Variants in ADIPOR2 observed in about 807,000 individuals in gnomAD.
The protein encoded by ADIPOR2 is adiponectin receptor protein 2.
Under a neutral mutation model 40.9 loss-of-function variants are expected in ADIPOR2, and 18 were observed. The ratio of observed to expected loss-of-function variants is 0.44; its 90% CI spans 0.30 to 0.65. The LOEUF is 0.65. Among genes scored for constraint, ADIPOR2 ranks in the 30% least tolerant of loss-of-function variants. The pLI, the probability that ADIPOR2 is intolerant of heterozygous loss-of-function variation, is 0.09. For missense variants in ADIPOR2, 283 were observed against 479.2 expected (o/e 0.59, Z 3.82); for synonymous variants, 165 against 166.4 (o/e 0.99, Z 0.06).
intron 3 of ADIPOR2, 45 bp downstream of exon 3, chr12:1,773,006 C>CTATATATAT (rs1862518834): frequency 6.3e-7 from 1 of 1,592,978 alleles, no homozygotes; most frequent in Non-Finnish European, 8.5e-7. Flanking sequence ...ATATTTAGCC[C>CTATATATAT]TTCCAAAACA....
chr12:1,720,528 G>A (rs73591725), intron 1 of ADIPOR2, among the ~76,000 whole-genome samples: 1,926 of 152,322 alleles, frequency 0.013, 39 homozygotes, highest in African/African-American at 0.045. Flanking sequence ...AGTGATGGGA[G>A]ACAGTGGCAG....
intron 6 of ADIPOR2, among the ~76,000 whole-genome samples, chr12:1,781,562 T>A (rs1367779240): frequency 2.0e-5 from 3 of 152,226 alleles, no homozygotes; most frequent in Non-Finnish European, 2.9e-5. Context: ...ATCTCCCTTC[T>A]GATGTAGGGA....
intron 2 of ADIPOR2, among the ~76,000 whole-genome samples, chr12:1,765,228 C>T (rs577436985): frequency 4.4e-4 from 67 of 152,202 alleles, no homozygotes; most frequent in African/African-American, 1.4e-3. Context: ...TTGTGATTCA[C>T]GCAGCACCTA....
chr12:1,704,427 C>T (rs2038521182), intron 1 of ADIPOR2, among the ~76,000 whole-genome samples: 2 of 152,090 alleles, frequency 1.3e-5, no homozygotes. Context: ...AATAAACTTG[C>T]TTTCACTTAA....
intron 1 of ADIPOR2, among the ~76,000 whole-genome samples, chr12:1,722,515 A>G (rs1177234300): frequency 6.6e-6 from 1 of 152,196 alleles, no homozygotes; most frequent in East Asian, 1.9e-4. Flanking sequence ...GACCTTGACA[A>G]GTGTGGTCTT....
chr12:1,726,119 G>A lies in ADIPOR2; in HGVS notation c.-86-28139G>A, dbSNP rs532404277. Among the ~76,000 whole-genome samples, 11 of 152,328 alleles carry A rather than the reference G, an allele frequency of 7.2e-5. No homozygotes were observed. The South Asian group carries it at 1.7e-3, about 23-fold the overall frequency. ...AAATTGCTTTTGAGGTATCACTTAA[G>A]CAACCTTAGTGCTTCTAAGCAACAT... On this transcript the variant is annotated intron_variant, in intron 1 of 7. Transcript: ENST00000357103.
At position 1,782,976 on chromosome 12, in the gene ADIPOR2, C is replaced by CTTTTTTTTT. The variant is rs71055199; in HGVS notation, c.839-886_839-878dup. ...TTCTTTTCTTTTTCTTTCTTTCTTT[C>CTTTTTTTTT]TTTTTTTTTTTTTTTTTTTTTTTTT... On this transcript the variant is annotated intron_variant, in intron 6 of 7. Coordinates refer to ENST00000357103, the MANE Select transcript of ADIPOR2 (RefSeq NM_024551.3). 6.0e-4 allele frequency among the ~76,000 whole-genome samples: 66 copies of CTTTTTTTTT among 109,736 alleles called. 2 individuals are homozygous for CTTTTTTTTT. The highest frequency in any genetic ancestry group is 8.8e-4 in the African/African-American group (24 of 27,194). 72.0% of individuals were successfully genotyped at this position (109,736 alleles called of 152,430 possible).
chr12:1,777,563 T>C (rs1394280965), intron 3 of ADIPOR2, among the ~76,000 whole-genome samples: 2 of 151,954 alleles, frequency 1.3e-5, no homozygotes, highest in East Asian at 3.9e-4. Context: ...ATTTTTTGTA[T>C]TTTTAGTAGA....
intron 1 of ADIPOR2, among the ~76,000 whole-genome samples, chr12:1,716,697 C>G (rs377588567): frequency 4.6e-5 from 7 of 152,270 alleles, no homozygotes; most frequent in South Asian, 2.1e-4. Context: ...AGTACTGCAC[C>G]TGAATTACAT....
At chr12:1,715,690 G>C (rs559339049) in intron 1 of ADIPOR2, among the ~76,000 whole-genome samples, 1 of 152,296 alleles carries the variant, frequency 6.6e-6, no homozygotes, top group African/African-American at 2.4e-5. Flanking sequence ...CTGTTTAGAG[G>C]GGGGATTGAG....
chr12:1,785,264 T>C (rs1862803022), intron 7 of ADIPOR2, among the ~76,000 whole-genome samples: 1 of 152,216 alleles, frequency 6.6e-6, no homozygotes, highest in South Asian at 2.1e-4. Context: ...TGGAATAGCA[T>C]TCAACAGAAC....
intron 1 of ADIPOR2, among the ~76,000 whole-genome samples, chr12:1,748,582 G>A (rs2094762103): frequency 6.6e-6 from 1 of 151,836 alleles, no homozygotes; most frequent in Non-Finnish European, 1.5e-5. Flanking sequence ...TCCATTTTGA[G>A]TTAATTTTTG....
chr12:1,753,903 C>G (rs1190869166), intron 1 of ADIPOR2, among the ~76,000 whole-genome samples: 6 of 152,032 alleles, frequency 3.9e-5, no homozygotes, highest in Non-Finnish European at 7.4e-5. Flanking sequence ...GCAGGCAGAA[C>G]AAAGTAAGTA....
At chr12:1,780,844 G>A in intron 5 of ADIPOR2, 45 bp from the exon 6 acceptor site, 7 of 1,508,568 alleles carry the variant, frequency 4.6e-6, no homozygotes, top group African/African-American at 1.4e-5. Flanking sequence ...GTGGCCAGTA[G>A]TTTTTAAATT....
intron 1 of ADIPOR2, among the ~76,000 whole-genome samples, chr12:1,698,653 G>A (rs1258367611): frequency 6.6e-6 from 1 of 152,010 alleles, no homozygotes; most frequent in Non-Finnish European, 1.5e-5. Context: ...TCTTACTGAT[G>A]GATATTTAGA....
chr12:1,757,485 A>G (rs979701462), intron 2 of ADIPOR2: 6 of 738,456 alleles, frequency 8.1e-6, no homozygotes, highest in African/African-American at 1.7e-5. Flanking sequence ...CACCATGCAT[A>G]GGTTACCATT....
chr12:1,710,654 C>G (rs1452008030), intron 1 of ADIPOR2, among the ~76,000 whole-genome samples: 2 of 152,042 alleles, frequency 1.3e-5, no homozygotes, highest in Admixed American at 1.3e-4. Flanking sequence ...AACCAGCTTC[C>G]TCTTTGCCTG....
intron 1 of ADIPOR2, among the ~76,000 whole-genome samples, chr12:1,732,835 T>G (rs2094723136): frequency 6.6e-6 from 1 of 152,250 alleles, no homozygotes; most frequent in African/African-American, 2.4e-5. Flanking sequence ...AATGAATTTA[T>G]TATGTACTTT....
intron 1 of ADIPOR2, among the ~76,000 whole-genome samples, chr12:1,707,917 T>C (rs1201098369): frequency 6.6e-6 from 1 of 152,228 alleles, no homozygotes; most frequent in African/African-American, 2.4e-5. Context: ...TTACAAGTTC[T>C]TTATATGTTG....
Sources: gnomAD v4.1 joint callset for allele counts (sites outside exome capture counted in the v4.1 genomes callset) on GRCh38, gnomAD v4.1.1 for gene constraint, MANE v1.5 for transcripts, NCBI Gene and HGNC (gene_info 2026-07-23, HGNC 2026-07-21) for gene names.